The following EDA variants were observed in gnomAD, a reference collection of about 807,000 sequenced individuals.
EDA encodes ectodysplasin A, also known as ectodysplasin-A.
Under a neutral mutation model 23.6 loss-of-function variants are expected in EDA, and 2 were observed. That is an observed-to-expected ratio of 0.08 (90% confidence interval 0.03 to 0.27). The LOEUF is 0.27. EDA is among the 10% of genes least tolerant of loss of function. EDA has a pLI of 1.00. For synonymous variants in EDA, 131 were observed against 132.0 expected (o/e 0.99, Z 0.05); for missense variants, 229 against 324.2 (o/e 0.71, Z 2.26).
At chrX:69,878,337 G>A (rs188432495) in intron 1 of EDA, among the ~76,000 whole-genome samples, 1 of 112,515 alleles carries the variant, frequency 8.9e-6, no homozygotes, top group East Asian at 2.8e-4. Flanking sequence ...GCTTGTGTGC[G>A]CGGCAACAGG....
chrX:69,661,198 A>T (rs2147255284), intron 1 of EDA, among the ~76,000 whole-genome samples: 1 of 106,014 alleles, frequency 9.4e-6, no homozygotes, highest in South Asian at 4.3e-4. Context: ...GGGTTGTTTG[A>T]TTTTTTCTTG....
At chrX:69,820,091 A>G (rs1339851000) in intron 1 of EDA, among the ~76,000 whole-genome samples, 1 of 111,204 alleles carries the variant, frequency 9.0e-6, no homozygotes, top group African/African-American at 3.3e-5. Context: ...ATAATACTGC[A>G]CACCTACAAC....
chrX:69,868,336 C>T (rs952227346), intron 1 of EDA, among the ~76,000 whole-genome samples: 1 of 112,030 alleles, frequency 8.9e-6, no homozygotes, highest in African/African-American at 3.2e-5. Context: ...GAATGTGTTG[C>T]CTCCAAAATC....
At chrX:69,786,808 C>T (rs1219740754) in intron 1 of EDA, among the ~76,000 whole-genome samples, 9 of 110,642 alleles carry the variant, frequency 8.1e-5, no homozygotes, top group Non-Finnish European at 1.1e-4. Flanking sequence ...CTATTAGGTC[C>T]GCTTGGTGCA....
intron 1 of EDA, among the ~76,000 whole-genome samples, chrX:69,833,696 TATTA>T (rs1413238408): frequency 9.0e-6 from 1 of 111,256 alleles, no homozygotes; most frequent in Non-Finnish European, 1.9e-5. Flanking sequence ...GTTGGTAGGC[TATTA>T]ATTATTGCCT....
intron 1 of EDA, among the ~76,000 whole-genome samples, chrX:69,720,013 G>A (rs770201686): frequency 1.1e-4 from 12 of 111,014 alleles, no homozygotes; most frequent in South Asian, 3.9e-4. Flanking sequence ...CTCCCAAAGC[G>A]CAGGGATTAC....
chrX:70,030,051 G>C (rs2020177148), intron 5 of EDA, among the ~76,000 whole-genome samples: 1 of 112,499 alleles, frequency 8.9e-6, no homozygotes, highest in African/African-American at 3.2e-5. Flanking sequence ...AGGTTCTACT[G>C]CCTTGCCTTG....
At chrX:69,883,986 C>T (rs1194385879) in intron 1 of EDA, among the ~76,000 whole-genome samples, 6 of 110,512 alleles carry the variant, frequency 5.4e-5, no homozygotes, top group African/African-American at 2.0e-4. Context: ...ATTGCTTGAG[C>T]CTGAGAGGTC....
chrX:69,753,028 C>A (rs753287498), intron 1 of EDA, among the ~76,000 whole-genome samples: 1 of 111,430 alleles, frequency 9.0e-6, no homozygotes, highest in South Asian at 3.8e-4. Flanking sequence ...AAAAAACCAG[C>A]TCCTGGATTC....
intron 1 of EDA, among the ~76,000 whole-genome samples, chrX:69,836,036 C>G (rs1263284461): frequency 1.8e-5 from 2 of 112,172 alleles, no homozygotes; most frequent in Admixed American, 9.4e-5. Flanking sequence ...CTGGGTATCA[C>G]CAGTGGAGGC....
chrX:69,627,255 C>G (rs945690289), intron 1 of EDA, among the ~76,000 whole-genome samples: 1 of 111,303 alleles, frequency 9.0e-6, no homozygotes, highest in Non-Finnish European at 1.9e-5. Flanking sequence ...TCTCTGTCTT[C>G]CTCGCTTTCC....
rs149280713 is a variant in EDA, at chrX:69,940,079, T to C, written c.397-16948T>C. Among the ~76,000 whole-genome samples the C allele has an allele frequency of 4.8e-3, 536 of 111,689 alleles. 1 individual carries two copies. The highest frequency in any genetic ancestry group is 0.017 in the African/African-American group (509 of 30,816). ...TTGATGTGTTTTTGTCTGGTTTTGG[T>C]ATCAGGGTAATACTGGCCTTATAGA... On this transcript the variant is annotated intron_variant, in intron 1 of 7. Transcript: ENST00000374552.
intron 1 of EDA, among the ~76,000 whole-genome samples, chrX:69,756,303 T>C (rs2014115696): frequency 8.9e-6 from 1 of 112,641 alleles, no homozygotes; most frequent in Non-Finnish European, 1.9e-5. Context: ...TCCTTCCTGT[T>C]TTGTTCCAGG....
intron 1 of EDA, among the ~76,000 whole-genome samples, chrX:69,824,909 G>T (rs1249808214): frequency 1.2e-4 from 9 of 74,269 alleles, no homozygotes; most frequent in Non-Finnish European, 7.3e-5. Context: ...TTAGCATGAA[G>T]GTTGTTGAAT....
intron 1 of EDA, among the ~76,000 whole-genome samples, chrX:69,734,164 T>A (rs1290505831): frequency 1.8e-5 from 2 of 111,735 alleles, no homozygotes; most frequent in African/African-American, 6.5e-5. Context: ...TCAGTGAGCT[T>A]TTATAATTTG....
At chrX:69,635,518 T>C (rs1932755963) in intron 1 of EDA, among the ~76,000 whole-genome samples, 1 of 108,818 alleles carries the variant, frequency 9.2e-6, no homozygotes, top group African/African-American at 3.4e-5. Flanking sequence ...GGAATTGTTC[T>C]AGATTACTCC....
At chrX:69,726,733 A>G (rs62604169) in intron 1 of EDA, among the ~76,000 whole-genome samples, 25,309 of 111,089 alleles carry the variant, frequency 0.23, 2,177 homozygotes, top group African/African-American at 0.25. Context: ...GAAACGGGAG[A>G]GTTCCCTGAC....
chrX:69,705,956 G>A (rs937661638), intron 1 of EDA, among the ~76,000 whole-genome samples: 1 of 111,879 alleles, frequency 8.9e-6, no homozygotes, highest in African/African-American at 3.2e-5. Flanking sequence ...AGACAAGATG[G>A]CCAAGAAAAT....
rs369898960 is a variant in EDA, at chrX:69,748,215, G to T, written c.396+131511G>T. Among the ~76,000 whole-genome samples, 3 of 110,999 alleles carry T rather than the reference G, an allele frequency of 2.7e-5. No individual in the cohort carries two copies. In the East Asian group the frequency reaches 8.5e-4, roughly 32 times the overall value. The stretch of plus-strand genomic sequence containing the variant: ...AGGAGGGTGGGTTGAGGTTCTTGTT[G>T]CCTTTGTTGTGATCAGGTACCTCAA... On this transcript the variant is annotated intron_variant, in intron 1 of 7. Coordinates refer to ENST00000374552, the MANE Select transcript of EDA (RefSeq NM_001399.5).
Sources: gnomAD v4.1 joint callset for allele counts (sites outside exome capture counted in the v4.1 genomes callset) on GRCh38, gnomAD v4.1.1 for gene constraint, MANE v1.5 for transcripts, NCBI Gene and HGNC (gene_info 2026-07-23, HGNC 2026-07-21) for gene names.